Variants in KDM7A observed in about 807,000 individuals in gnomAD.
KDM7A encodes the protein lysine-specific demethylase 7A.
In KDM7A, 28 loss-of-function variants were observed where a neutral mutation model predicts 114.8. That is an observed-to-expected ratio of 0.24 (90% confidence interval 0.18 to 0.33). KDM7A has a LOEUF of 0.33. Among genes scored for constraint, KDM7A ranks in the 10% least tolerant of loss-of-function variants. KDM7A has a pLI of 1.00. For missense variants in KDM7A, 942 were observed against 1,142.5 expected, an observed-to-expected ratio of 0.82 and a Z score of 2.53; for synonymous variants, 423 against 397.8, an observed-to-expected ratio of 1.06 and a Z score of -0.75.
At chr7:140,140,977 A>G (rs999690167) in intron 1 of KDM7A, among the ~76,000 whole-genome samples, 3 of 152,208 alleles carry the variant, frequency 2.0e-5, no homozygotes, top group Non-Finnish European at 4.4e-5. Flanking sequence ...ATTGCTAAAT[A>G]TTAGTATATT....
chr7:140,093,848 G>T (rs1818062044), intron 18 of KDM7A, among the ~76,000 whole-genome samples: 1 of 152,152 alleles, frequency 6.6e-6, no homozygotes, highest in East Asian at 1.9e-4. Context: ...TTCTTTTCCA[G>T]ATCACATTCT....
rs568745891 is a variant in KDM7A, at chr7:140,176,660, G to A, written c.194+84C>T. On this transcript the variant is annotated intron_variant, in intron 1 of 19. Coordinates refer to ENST00000397560, the MANE Select transcript of KDM7A (RefSeq NM_030647.2). The surrounding 1 kb of genome is among the most constrained non-coding windows in gnomAD (Gnocchi z 4.4). ...TGGGCGCGGCGCGGCGGCCCGGCCCGAGGGAGGCGCGGGCGGCCGGCGGCG... is the reference window on the plus strand; with the variant it reads ...TGGGCGCGGCGCGGCGGCCCGGCCCAAGGGAGGCGCGGGCGGCCGGCGGCG... The A allele has an allele frequency of 2.1e-4, 205 of 977,920 alleles. 2 individuals are homozygous for A. The South Asian group carries it at 5.2e-3, about 25-fold the overall frequency. 60.6% of individuals were successfully genotyped at this position (977,920 alleles called of 1,614,324 possible). A position where few individuals can be genotyped will look rare whatever the true frequency, so the allele number is the denominator to read the frequency against.
At chr7:140,139,375 A>G (rs1368408234) in intron 1 of KDM7A, among the ~76,000 whole-genome samples, 185 bp from the exon 2 acceptor site, 1 of 152,220 alleles carries the variant, frequency 6.6e-6, no homozygotes, top group East Asian at 1.9e-4. Flanking sequence ...AGTGAGTGTG[A>G]GGGAGAATAT....
At chr7:140,123,273 G>A (rs531246314) in intron 7 of KDM7A, among the ~76,000 whole-genome samples, 1 of 152,290 alleles carries the variant, frequency 6.6e-6, no homozygotes, top group East Asian at 1.9e-4. Flanking sequence ...GAACGGGTCA[G>A]CAATTCCTCA....
At position 140,091,183 on chromosome 7, in the gene KDM7A, G is replaced by T. The variant is rs1165006562; in HGVS notation, c.2737C>A (p.Arg913Ser). 6.2e-7 allele frequency: 1 copy of T among 1,610,278 alleles called. No homozygotes were observed. Among genetic ancestry groups the T allele is most frequent in the Admixed American group, 1.7e-5 (1 of 60,006 alleles). The change falls in exon 20 of 20, where the codon CGT becomes AGT. Residue 913 changes from arginine to serine, a missense_variant. Physicochemically the swap from Arg to Ser is moderately radical, Grantham distance 110. Around this residue, in one of 4 missense-constraint regions of KDM7A, gnomAD observed 512 missense variants for 576.6 expected, o/e 0.89. Transcript: ENST00000397560. ...PISNQATKGK[R>S]PKKGMATAKQ... ...GCTGTTGCCATTCCTTTTTTTGGAC[G>T]TTTACCTATAAAACACCAAAAGGGA...
chr7:140,118,355 T>C (rs1818565051), intron 9 of KDM7A, among the ~76,000 whole-genome samples: 2 of 152,054 alleles, frequency 1.3e-5, no homozygotes, highest in Admixed American at 1.3e-4. Context: ...AAGTAGCTTT[T>C]GGGTTCAACT....
At chr7:140,142,352 A>T (rs1458174651) in intron 1 of KDM7A, among the ~76,000 whole-genome samples, 1 of 151,622 alleles carries the variant, frequency 6.6e-6, no homozygotes, top group Non-Finnish European at 1.5e-5. Context: ...AGAGTAGCAG[A>T]AGACATTACA....
At chr7:140,143,705 C>G (rs1267582229) in intron 1 of KDM7A, among the ~76,000 whole-genome samples, 2 of 152,174 alleles carry the variant, frequency 1.3e-5, no homozygotes, top group Non-Finnish European at 2.9e-5. Context: ...ACTGTAAAGT[C>G]TTTGAGAGCT....
At chr7:140,103,211 G>A (rs1818262424) in intron 11 of KDM7A, among the ~76,000 whole-genome samples, 1 of 151,836 alleles carries the variant, frequency 6.6e-6, no homozygotes, top group African/African-American at 2.4e-5. Flanking sequence ...TCATATAAGT[G>A]GAATTTTATA....
chr7:140,165,112 T>G (rs1032848813), intron 1 of KDM7A, among the ~76,000 whole-genome samples: 1 of 152,176 alleles, frequency 6.6e-6, no homozygotes, highest in Non-Finnish European at 1.5e-5. Flanking sequence ...CTCAGGATAC[T>G]TTATATCCCT....
chr7:140,131,627 T>A (rs959621637), intron 3 of KDM7A, among the ~76,000 whole-genome samples: 3 of 152,210 alleles, frequency 2.0e-5, no homozygotes, highest in African/African-American at 7.2e-5. Flanking sequence ...TACCTCTTAG[T>A]TTCCCCAATA....
At position 140,087,816 on chromosome 7, in the gene KDM7A, T is replaced by A. The variant is rs1408737912; in HGVS notation, c.*3278A>T. The A allele has an allele frequency of 1.3e-5, 2 of 152,216 alleles. No individual in the cohort carries two copies. Among genetic ancestry groups the A allele is most frequent in the African/African-American group, 4.8e-5 (2 of 41,458 alleles). The allele number at this position is 152,216 out of a possible 1,614,324, so 9.4% of individuals were successfully genotyped here. A position where few individuals can be genotyped will look rare whatever the true frequency, so the allele number is the denominator to read the frequency against. Reference sequence around the variant, plus strand: ...TGTGAAATTACTTTCACTTCTACAGTGGCATATCTCAGTTGAAACTAAAAA... The same window carrying A: ...TGTGAAATTACTTTCACTTCTACAGAGGCATATCTCAGTTGAAACTAAAAA... On this transcript the variant is annotated 3_prime_UTR_variant, in exon 20 of 20. Transcript: ENST00000397560.
At chr7:140,100,682 A>ACATATATATATATATATATATGTG in intron 12 of KDM7A, among the ~76,000 whole-genome samples, 1 of 37,202 alleles carries the variant, frequency 2.7e-5, no homozygotes, top group Admixed American at 3.1e-4. Flanking sequence ...ATATATATAC[A>ACATATATATATATATATATATGTG]TATATACATA....
chr7:140,100,077 C>G, intron 12 of KDM7A, 54 bp from the exon 13 acceptor site: 1 of 1,595,580 alleles, frequency 6.3e-7, no homozygotes, highest in Non-Finnish European at 8.6e-7. Context: ...TAGCCCTGTT[C>G]GACTGATGGA....
At chr7:140,172,909 G>A (rs533078242) in intron 1 of KDM7A, among the ~76,000 whole-genome samples, 10 of 152,094 alleles carry the variant, frequency 6.6e-5, no homozygotes, top group African/African-American at 1.9e-4. Flanking sequence ...GAAGACATGC[G>A]TACTTTCATA....
Position 140,176,805 on chromosome 7 carries a change from G to C in KDM7A, c.133C>G (p.Pro45Ala). The stretch of plus-strand genomic sequence containing the variant: ...ATCATGAAGCGGTTCACGTCGTACG[G>C]CTGCCGGCACACACAGTACACGGGC... ...PPPVYCVCRQ[P>A]YDVNRFMIEC... Residue 45 changes from proline (P) to alanine (A), a missense_variant, in exon 1 of 20, where the codon CCG (proline) becomes GCG (alanine). Around this residue, in one of 4 missense-constraint regions of KDM7A, gnomAD observed 112 missense variants for 96.2 expected, o/e 1.16. Coordinates refer to ENST00000397560, the MANE Select transcript of KDM7A (RefSeq NM_030647.2). The surrounding 1 kb of genome is among the most constrained non-coding windows in gnomAD (Gnocchi z 4.4). The C allele has an allele frequency of 7.1e-7, 1 of 1,415,324 alleles. No homozygotes were observed. The allele number at this position is 1,415,324 out of a possible 1,614,324, so 87.7% of individuals were successfully genotyped here.
chr7:140,121,049 C>G lies in KDM7A; in HGVS notation c.1052-520G>C, dbSNP rs566061703. ...GGGATTGATGGGACACTCCATCGCCCTGGTGTCATCCTGAAATCAGTGCCC... is the reference window on the plus strand; with the variant it reads ...GGGATTGATGGGACACTCCATCGCCGTGGTGTCATCCTGAAATCAGTGCCC... On this transcript the variant is annotated intron_variant, in intron 7 of 19. Coordinates refer to ENST00000397560, the MANE Select transcript of KDM7A (RefSeq NM_030647.2). Among the ~76,000 whole-genome samples the G allele has an allele frequency of 3.9e-5, 6 of 152,290 alleles. No individual in the cohort carries two copies. The East Asian group carries it at 1.2e-3, about 29-fold the overall frequency.
At position 140,096,920 on chromosome 7, in the gene KDM7A, C is replaced by A. The variant is rs1479409962; in HGVS notation, c.2144G>T (p.Arg715Ile). Residue 715 changes from arginine to isoleucine, a missense_variant, in exon 16 of 20, where the codon AGA (arginine) becomes ATA (isoleucine). By Grantham distance (97) the Arg-to-Ile change is moderately conservative. This residue lies in a region of KDM7A where 512 missense variants were observed against 576.6 expected (regional missense o/e 0.89). Transcript: ENST00000397560. Reference protein sequence around the residue: ...NFLQKSQKPSRSEIPIKRECP... With the variant: ...NFLQKSQKPSISEIPIKRECP... Reference sequence around the variant, plus strand: ...CTACCTTTTAATTGGAATTTCACTTCTAGATGGCTTCTGGCTCTTTTGAAG... The same window carrying A: ...CTACCTTTTAATTGGAATTTCACTTATAGATGGCTTCTGGCTCTTTTGAAG... 6.2e-7 allele frequency: 1 copy of A among 1,613,778 alleles called. No individual in the cohort carries two copies. Among genetic ancestry groups the A allele is most frequent in the Non-Finnish European group, 8.5e-7 (1 of 1,179,872 alleles).
At chr7:140,125,362 T>C (rs959717071) in intron 6 of KDM7A, among the ~76,000 whole-genome samples, 1 of 152,228 alleles carries the variant, frequency 6.6e-6, no homozygotes, top group Non-Finnish European at 1.5e-5. Flanking sequence ...TGGAAATTTT[T>C]TGTATCTGTG....
Sources: gnomAD v4.1 joint callset for allele counts (sites outside exome capture counted in the v4.1 genomes callset) on GRCh38, gnomAD v4.1.1 for gene constraint, gnomAD v4.1.1 regional missense constraint, Gnocchi (gnomAD v3.1) non-coding constraint, MANE v1.5 for transcripts, NCBI Gene and HGNC (gene_info 2026-07-23, HGNC 2026-07-21) for gene names.